Variants in CENPW observed in about 807,000 individuals in gnomAD.
The protein encoded by CENPW is centromere protein W.
A neutral mutation model predicts 11.1 loss-of-function variants in CENPW; 3 were observed. The ratio of observed to expected loss-of-function variants is 0.27; its 90% CI spans 0.12 to 0.70. CENPW has a LOEUF of 0.70. Among genes scored for constraint, CENPW ranks in the 30% least tolerant of loss-of-function variants. The pLI is 0.77. For missense variants in CENPW, 100 were observed against 105.6 expected (o/e 0.95, Z 0.23); for synonymous variants, 38 against 42.0 (o/e 0.91, Z 0.37).
the CENPW span, among the ~76,000 whole-genome samples, chr6:126,437,998 A>G: frequency 6.6e-5 from 10 of 151,796 alleles, no homozygotes; most frequent in African/African-American, 1.7e-4. Context: ...TTATTGATCA[A>G]TTGGAAAACC....
chr6:126,407,679 T>C, the CENPW span, among the ~76,000 whole-genome samples: 1 of 152,328 alleles, frequency 6.6e-6, no homozygotes, highest in East Asian at 1.9e-4. Flanking sequence ...ATTTCCTTAA[T>C]GATCAGTGAT....
chr6:126,441,637 C>T, the CENPW span, among the ~76,000 whole-genome samples: 92 of 151,486 alleles, frequency 6.1e-4, no homozygotes, highest in East Asian at 0.016. Context: ...CCTAAAGTCC[C>T]TTCTATCATT....
the CENPW span, among the ~76,000 whole-genome samples, chr6:126,455,860 A>C: frequency 6.6e-6 from 1 of 151,310 alleles, no homozygotes; most frequent in African/African-American, 2.4e-5. Flanking sequence ...TGATTAAAAA[A>C]AACTTCAGCA....
chr6:126,432,119 T>A, the CENPW span, among the ~76,000 whole-genome samples: 2 of 151,854 alleles, frequency 1.3e-5, no homozygotes, highest in African/African-American at 4.8e-5. Context: ...GTTCTCATTT[T>A]CATCTCCTGT....
At chr6:126,386,252 C>T in the CENPW span, among the ~76,000 whole-genome samples, 3 of 152,180 alleles carry the variant, frequency 2.0e-5, no homozygotes, top group South Asian at 2.1e-4. Context: ...TTCTTTCCCA[C>T]TTGTAACATC....
At chr6:126,357,108 A>C in the CENPW span, among the ~76,000 whole-genome samples, 2 of 152,100 alleles carry the variant, frequency 1.3e-5, no homozygotes, top group Non-Finnish European at 2.9e-5. Flanking sequence ...ATTTTGCTTA[A>C]TTTTTTATAT....
chr6:126,482,942 AAT>A, the CENPW span, among the ~76,000 whole-genome samples: 1 of 151,934 alleles, frequency 6.6e-6, no homozygotes, highest in South Asian at 2.1e-4. Flanking sequence ...GCATTTTATC[AAT>A]ATTGTGTCTT....
the CENPW span, among the ~76,000 whole-genome samples, chr6:126,442,434 C>CT: frequency 6.6e-6 from 1 of 151,400 alleles, no homozygotes; most frequent in Non-Finnish European, 1.5e-5. Context: ...ACAGACAACT[C>CT]ACAGAGTGGG....
At chr6:126,455,265 A>T in the CENPW span, among the ~76,000 whole-genome samples, 1 of 151,194 alleles carries the variant, frequency 6.6e-6, no homozygotes, top group Non-Finnish European at 1.5e-5. Context: ...ACATAAAAAA[A>T]ATCAGGAGAA....
chr6:126,386,339 CTGTGAGGGAAA>C, the CENPW span, among the ~76,000 whole-genome samples: 2 of 151,960 alleles, frequency 1.3e-5, no homozygotes, highest in Admixed American at 6.6e-5. Context: ...GAGAATATCT[CTGTGAGGGAAA>C]TGTTGTCAAT....
chr6:126,393,074 T>C, the CENPW span, among the ~76,000 whole-genome samples: 1 of 151,950 alleles, frequency 6.6e-6, no homozygotes, highest in Non-Finnish European at 1.5e-5. Context: ...TCCAATGTAT[T>C]GGTATATTGT....
At chr6:126,413,058 A>G in the CENPW span, among the ~76,000 whole-genome samples, 4 of 152,160 alleles carry the variant, frequency 2.6e-5, no homozygotes, top group African/African-American at 9.6e-5. Flanking sequence ...AATTTTTACC[A>G]GTTATGTTTG....
the CENPW span, among the ~76,000 whole-genome samples, chr6:126,384,413 T>C: frequency 6.6e-6 from 1 of 152,114 alleles, no homozygotes; most frequent in Non-Finnish European, 1.5e-5. Flanking sequence ...ATCATGGTAC[T>C]ATTACAAAAA....
At chr6:126,376,139 G>GC in the CENPW span, among the ~76,000 whole-genome samples, 1 of 152,094 alleles carries the variant, frequency 6.6e-6, no homozygotes, top group Non-Finnish European at 1.5e-5. Context: ...TCAGCATCAA[G>GC]CAAGAGTCTT....
the CENPW span, among the ~76,000 whole-genome samples, chr6:126,461,615 A>C: frequency 3.3e-5 from 5 of 151,870 alleles, no homozygotes; most frequent in Admixed American, 1.3e-4. Context: ...CTTAGCTAAA[A>C]ATTTTGATAT....
At chr6:126,423,286 C>T in the CENPW span, among the ~76,000 whole-genome samples, 3 of 151,890 alleles carry the variant, frequency 2.0e-5, no homozygotes, top group Non-Finnish European at 4.4e-5. Flanking sequence ...TGCTTTTGAA[C>T]TTGACTCTTT....
the CENPW span, among the ~76,000 whole-genome samples, chr6:126,454,490 TAA>T: frequency 6.6e-6 from 1 of 151,164 alleles, no homozygotes; most frequent in East Asian, 1.9e-4. Context: ...ACAATGCAAT[TAA>T]GAGAGAAATC....
At chr6:126,344,044 C>A (rs1190123083) in intron 1 of CENPW, among the ~76,000 whole-genome samples, 2 of 152,110 alleles carry the variant, frequency 1.3e-5, no homozygotes, top group Admixed American at 6.5e-5. Context: ...ATTTTTTTGC[C>A]TTATCTGGGG....
At chr6:126,385,482 A>T in the CENPW span, among the ~76,000 whole-genome samples, 2 of 152,264 alleles carry the variant, frequency 1.3e-5, no homozygotes, top group African/African-American at 4.8e-5. Context: ...TGATGCAACA[A>T]GGAATAAATG....
Sources: gnomAD v4.1 joint callset for allele counts (sites outside exome capture counted in the v4.1 genomes callset) on GRCh38, gnomAD v4.1.1 for gene constraint, MANE v1.5 for transcripts, NCBI Gene and HGNC (gene_info 2026-07-23, HGNC 2026-07-21) for gene names.